The following ZMYM5 variants were observed in gnomAD, a reference collection of about 807,000 sequenced individuals.
The protein encoded by ZMYM5 is zinc finger MYM-type protein 5.
In ZMYM5, 41 loss-of-function variants were observed where a neutral mutation model predicts 61.8. The ratio of observed to expected loss-of-function variants is 0.66; its 90% CI spans 0.52 to 0.86. The LOEUF (loss-of-function observed/expected upper bound fraction) is 0.86. ZMYM5 is among the 40% of genes least tolerant of loss of function. The pLI, the probability that ZMYM5 is intolerant of heterozygous loss-of-function variation, is 0.00. For synonymous variants in ZMYM5, 257 were observed against 276.4 expected, an observed-to-expected ratio of 0.93 and a Z score of 0.70; for missense variants, 706 against 786.7, an observed-to-expected ratio of 0.90 and a Z score of 1.23.
At position 19,837,722 on chromosome 13, in the gene ZMYM5, GT is replaced by G; in HGVS notation, c.971del (p.Asn324ThrfsTer21). ...AAACTCCTTTTTTAAGATTCCAGTT[GT>G]TTTCACAGGGAGACAAACAAGATGT... is the stretch of plus-strand genomic sequence containing the variant. Reference protein sequence around the residue: ...YSTSCLSPCENNWNLKKGVFN... With the variant: ...YSTSCLSPCEXNWNLKKGVFN... On this transcript the variant is annotated frameshift_variant, in exon 6 of 8. Transcript: ENST00000337963. LOFTEE classifies it high-confidence loss of function. The G allele has an allele frequency of 6.3e-7, 1 of 1,579,868 alleles. No homozygotes were observed. Among genetic ancestry groups the G allele is most frequent in the Non-Finnish European group, 8.5e-7 (1 of 1,170,434 alleles).
At chr13:19,846,899 T>G (rs985692012) in intron 4 of ZMYM5, among the ~76,000 whole-genome samples, 4 of 151,988 alleles carry the variant, frequency 2.6e-5, no homozygotes, top group African/African-American at 9.7e-5. Context: ...TGCACTCTAG[T>G]CTGGGAAACA....
Position 19,863,607 on chromosome 13 carries a change from C to G in ZMYM5, c.-236G>C, listed in dbSNP as rs1193773180. 1 of 152,686 alleles carries G rather than the reference C, an allele frequency of 6.5e-6. No homozygotes were observed. Among genetic ancestry groups the G allele is most frequent in the East Asian group, 1.9e-4 (1 of 5,186 alleles). 9.5% of individuals were successfully genotyped at this position (152,686 alleles called of 1,614,324 possible). ...CACCCCGCTTCGGCGACAAGCACAACTCCGCGAGGTCCAGTCCCGGCTTTT... is the reference window on the plus strand; with the variant it reads ...CACCCCGCTTCGGCGACAAGCACAAGTCCGCGAGGTCCAGTCCCGGCTTTT... On this transcript the variant is annotated 5_prime_UTR_variant, in exon 1 of 8. Coordinates refer to ENST00000337963, the MANE Select transcript of ZMYM5 (RefSeq NM_001142684.2).
intron 7 of ZMYM5, among the ~76,000 whole-genome samples, chr13:19,829,077 G>A (rs1287699075): frequency 6.6e-6 from 1 of 152,004 alleles, no homozygotes; most frequent in Non-Finnish European, 1.5e-5. Flanking sequence ...ACAGCAGCCT[G>A]GGTGACAGAG....
At position 19,837,820 on chromosome 13, in the gene ZMYM5, C is replaced by T. The variant is rs1224751795; in HGVS notation, c.874G>A (p.Asp292Asn). The T allele has an allele frequency of 5.0e-6, 8 of 1,585,538 alleles. No individual in the cohort carries two copies. Among genetic ancestry groups the T allele is most frequent in the Non-Finnish European group, 6.8e-6 (8 of 1,173,930 alleles). The change falls in exon 6 of 8, where the codon GAT becomes AAT. Residue 292 changes from aspartate (D) to asparagine (N), a missense_variant and splice_region_variant. By Grantham distance (23) the Asp-to-Asn change is conservative. This residue lies in a region of ZMYM5 where 480 missense variants were observed against 461.7 expected (regional missense o/e 1.04). Transcript: ENST00000337963. ...ACATTAGCCTTCTTTGTAGATGCAT[C>T]TCTGAAACAGAAGGGATAGACACAT... ...QNTRSIICKK[D>N]ASTKKANVIL...
intron 2 of ZMYM5, among the ~76,000 whole-genome samples, chr13:19,858,019 A>G (rs1953574231): frequency 6.7e-6 from 1 of 150,136 alleles, no homozygotes; most frequent in Non-Finnish European, 1.5e-5. Context: ...TCTCAAAAAT[A>G]AAAAATAAAT....
At chr13:19,853,601 GTTT>G (rs907329013) in intron 2 of ZMYM5, among the ~76,000 whole-genome samples, 7 of 145,926 alleles carry the variant, frequency 4.8e-5, no homozygotes, top group Non-Finnish European at 9.1e-5. Flanking sequence ...CGTGGCCTCA[GTTT>G]TTTTTTTCTT....
At position 19,824,484 on chromosome 13, in the gene ZMYM5, TACA is replaced by T. The variant is rs1322212459; in HGVS notation, c.2000_2002del (p.Leu667del). ...AAAAACAACTCAGGTATATTACGTG[TACA>T]ACAACAGCACACCATCATTTTTCTC... On this transcript the variant is annotated inframe_deletion, in exon 8 of 8. Transcript: ENST00000337963. 2.3e-6 allele frequency: 3 copies of T among 1,299,014 alleles called. No individual in the cohort carries two copies. The highest frequency in any genetic ancestry group is 1.4e-5 in the South Asian group (1 of 73,084). 80.5% of individuals were successfully genotyped at this position (1,299,014 alleles called of 1,614,324 possible).
intron 4 of ZMYM5, chr13:19,843,369 CAAAAAAAAAAAAAAAAAA>C (rs370875470): frequency 1.7e-5 from 1 of 58,246 alleles, no homozygotes; most frequent in Non-Finnish European, 2.6e-5. Context: ...TGCACTCCAG[CAAAAAAAAAAAAAAAAAA>C]AAAAAAAAAG....
At chr13:19,851,285 T>G in intron 4 of ZMYM5, 70 bp downstream of exon 4, 5 of 1,312,520 alleles carry the variant, frequency 3.8e-6, no homozygotes, top group South Asian at 1.2e-5. Context: ...AAAATAGATA[T>G]GAGCTTTACT....
chr13:19,863,201 ACCCCGCCTCCCCGCCGG>A (rs1453767510), intron 1 of ZMYM5, among the ~76,000 whole-genome samples: 3 of 59,044 alleles, frequency 5.1e-5, no homozygotes, highest in East Asian at 3.8e-4. Context: ...CCGCCCCGCC[ACCCCGCCTCCCCGCCGG>A]CCCCGCGACC....
Position 19,835,590 on chromosome 13 carries a change from A to G in ZMYM5, c.1138T>C (p.Cys380Arg). Residue 380 changes from cysteine to arginine, a missense_variant, in exon 7 of 8, where the codon TGT (cysteine) becomes CGT (arginine). This residue lies in a region of ZMYM5 where 480 missense variants were observed against 461.7 expected (regional missense o/e 1.04). Coordinates refer to ENST00000337963, the MANE Select transcript of ZMYM5 (RefSeq NM_001142684.2). ...RLANGLIMNC[C>R]EHCGEYMPSK... is the part of the protein sequence containing the mutation. ...GGCATGTACTCTCCACAGTGTTCAC[A>G]GCAGTTCATTATTAGACCATTGGCC... The G allele has an allele frequency of 7.3e-7, 1 of 1,367,702 alleles. No homozygotes were observed. The highest frequency in any genetic ancestry group is 9.8e-7 in the Non-Finnish European group (1 of 1,021,834). The allele number at this position is 1,367,702 out of a possible 1,614,324, so 84.7% of individuals were successfully genotyped here. A position where few individuals can be genotyped will look rare whatever the true frequency, so the allele number is the denominator to read the frequency against.
At chr13:19,851,214 G>T in intron 4 of ZMYM5, 141 bp downstream of exon 4, 1 of 778,914 alleles carries the variant, frequency 1.3e-6, no homozygotes, top group Non-Finnish European at 2.0e-6. Flanking sequence ...AGCGAAACTC[G>T]GTCTCCAAAA....
chr13:19,826,063 AAAG>A, intron 7 of ZMYM5, among the ~76,000 whole-genome samples: 1 of 151,714 alleles, frequency 6.6e-6, no homozygotes, highest in East Asian at 1.9e-4. Context: ...AAAAAAAAAA[AAAG>A]AGAGAACAAA....
chr13:19,827,024 T>C (rs963630681), intron 7 of ZMYM5, among the ~76,000 whole-genome samples: 1 of 152,182 alleles, frequency 6.6e-6, no homozygotes, highest in Non-Finnish European at 1.5e-5. Context: ...TGTGAAATGT[T>C]ACAGAAGAGG....
At chr13:19,845,450 A>T (rs1351311782) in intron 4 of ZMYM5, among the ~76,000 whole-genome samples, 1 of 152,174 alleles carries the variant, frequency 6.6e-6, no homozygotes, top group African/African-American at 2.4e-5. Flanking sequence ...ATGTTATCCT[A>T]ACACCAACTG....
chr13:19,837,946 T>G (rs1010592325), intron 5 of ZMYM5, 125 bp from the exon 6 acceptor site: 2 of 1,096,378 alleles, frequency 1.8e-6, no homozygotes, highest in African/African-American at 3.4e-5. Flanking sequence ...GTATAACTTT[T>G]AGATGCAGCA....
chr13:19,830,839 CTT>C (rs1160103759), intron 7 of ZMYM5, among the ~76,000 whole-genome samples: 23 of 129,512 alleles, frequency 1.8e-4, no homozygotes, highest in Admixed American at 2.4e-4. Context: ...GTTACTTTTT[CTT>C]TTTTTTTTTT....
At chr13:19,861,707 T>C (rs953031862) in intron 2 of ZMYM5, among the ~76,000 whole-genome samples, 1 of 151,848 alleles carries the variant, frequency 6.6e-6, no homozygotes, top group African/African-American at 2.4e-5. Context: ...AAGTAAAGCT[T>C]GTTAAAGAAA....
rs1188709183 is a variant in ZMYM5 at position 19,835,524 on chromosome 13, G to A, written c.1204C>T (p.Gln402Ter). 7.3e-7 allele frequency: 1 copy of A among 1,367,664 alleles called. No individual in the cohort carries two copies. The highest frequency in any genetic ancestry group is 4.5e-5 in the East Asian group (1 of 21,988). The allele number at this position is 1,367,664 out of a possible 1,614,324, so 84.7% of individuals were successfully genotyped here. ...TGNNILVIGG[Q>*]QKRFCCQSCI... Reference sequence around the variant, plus strand: ...CTTTGGCAGCAAAATCTCTTCTGCTGACCTCCAATCACCAGGATGTTGTTT... The same window carrying A: ...CTTTGGCAGCAAAATCTCTTCTGCTAACCTCCAATCACCAGGATGTTGTTT... The change falls in exon 7 of 8, where the codon CAG becomes TAG. Residue 402 changes from glutamine to a stop codon, truncating the protein, a stop_gained. Transcript: ENST00000337963. LOFTEE classifies it high-confidence loss of function.
Sources: gnomAD v4.1 joint callset for allele counts (sites outside exome capture counted in the v4.1 genomes callset) on GRCh38, gnomAD v4.1.1 for gene constraint, gnomAD v4.1.1 regional missense constraint, MANE v1.5 for transcripts, NCBI Gene and HGNC (gene_info 2026-07-23, HGNC 2026-07-21) for gene names.